Variants in ECPAS observed in about 807,000 individuals in gnomAD.
The protein encoded by ECPAS is proteasome adapter and scaffold protein ECM29.
A neutral mutation model predicts 255.1 loss-of-function variants in ECPAS; 70 were observed. The ratio of observed to expected loss-of-function variants is 0.27; its 90% CI spans 0.23 to 0.33. The LOEUF (loss-of-function observed/expected upper bound fraction) is 0.33, where lower values mean the gene tolerates loss of function less well. ECPAS is among the 10% of genes least tolerant of loss of function. The probability of loss-of-function intolerance (pLI) is 1.00; values close to 1 mark genes in which losing one functional copy is unlikely to be tolerated. For missense variants in ECPAS, 1,817 were observed against 2,206.4 expected (o/e 0.82, Z 3.54); for synonymous variants, 784 against 775.0 (o/e 1.01, Z -0.19).
intron 31 of ECPAS, 106 bp downstream of exon 31, chr9:111,389,450 G>T: frequency 9.8e-7 from 1 of 1,020,264 alleles, no homozygotes. Flanking sequence ...GTTTAAACAA[G>T]TAAACATAAA....
rs927198232 is a variant in ECPAS, at chr9:111,425,590, G to A, written c.1137-94C>T. On this transcript the variant is annotated intron_variant, in intron 11 of 49. Transcript: ENST00000684092. ...ACATAAAATAATGAGAGACATAACC[G>A]AAATAAGTTAAATAATCTATTAAAA... 32 of 1,065,650 alleles carry A rather than the reference G, an allele frequency of 3.0e-5. No individual in the cohort carries two copies. In the Admixed American group the frequency reaches 5.4e-4, roughly 18 times the overall value. 66.0% of individuals were successfully genotyped at this position (1,065,650 alleles called of 1,614,324 possible).
At chr9:111,386,324 A>G (rs920199887) in intron 32 of ECPAS, 53 bp downstream of exon 32, 12 of 1,143,916 alleles carry the variant, frequency 1.0e-5, no homozygotes, top group Admixed American at 2.1e-5. Context: ...GAAATTTTGA[A>G]GGGAAAAAAA....
At chr9:111,390,314 C>T (rs1312093140) in intron 29 of ECPAS, among the ~76,000 whole-genome samples, 2 of 152,194 alleles carry the variant, frequency 1.3e-5, no homozygotes, top group Non-Finnish European at 2.9e-5. Context: ...CTCTACATTG[C>T]TGCTGATAAA....
At chr9:111,482,184 C>G (rs896310958) in intron 1 of ECPAS, among the ~76,000 whole-genome samples, 2 of 152,178 alleles carry the variant, frequency 1.3e-5, no homozygotes, top group African/African-American at 4.8e-5. Flanking sequence ...GTGGAACCGA[C>G]AGAAGAGCAA....
Position 111,428,136 on chromosome 9 carries a change from T to C in ECPAS, c.956A>G (p.Lys319Arg). The C allele has an allele frequency of 6.2e-7, 1 of 1,612,790 alleles. No homozygotes were observed. Among genetic ancestry groups the C allele is most frequent in the Non-Finnish European group, 8.5e-7 (1 of 1,179,232 alleles). Residue 319 changes from lysine (K) to arginine (R), a missense_variant, in exon 10 of 50, where the codon AAA becomes AGA. Lys to Arg is a conservative substitution (Grantham distance 26, BLOSUM62 2). This residue lies in a region of ECPAS where 573 missense variants were observed against 716.2 expected (regional missense o/e 0.80). Transcript: ENST00000684092. ...GACTCTTGTACTGACAGGGTCCCTT[T>C]TCAACTCTGGCTTCAGAACTGCACC... ...KEGAVLKPEL[K>R]RDPVSTRVKL...
intron 2 of ECPAS, among the ~76,000 whole-genome samples, chr9:111,465,642 T>C (rs1446002852): frequency 6.6e-6 from 1 of 151,748 alleles, no homozygotes; most frequent in African/African-American, 2.4e-5. Context: ...TATTTTATGA[T>C]ATAATTATAT....
At chr9:111,368,031 T>G in intron 46 of ECPAS, among the ~76,000 whole-genome samples, 1 of 137,674 alleles carries the variant, frequency 7.3e-6, no homozygotes, top group African/African-American at 3.1e-5. Context: ...CAAGACCCTG[T>G]CTCAAAAAAA....
intron 2 of ECPAS, among the ~76,000 whole-genome samples, chr9:111,462,052 G>A (rs563098439): frequency 6.6e-5 from 10 of 152,256 alleles, no homozygotes; most frequent in East Asian, 1.9e-4. Flanking sequence ...AGATTTGGAC[G>A]GGGACACAGA....
rs2098163525 is a variant in ECPAS at position 111,393,663 on chromosome 9, A to C, written c.2977+17T>G. ...ACAAGTTCAATTAAGTTTAGAAATC[A>C]AATATTAACAACCTACCATCATTTT... On this transcript the variant is annotated intron_variant, in intron 27 of 49. Transcript: ENST00000684092. The C allele has an allele frequency of 6.8e-7, 1 of 1,475,476 alleles. No homozygotes were observed. Among genetic ancestry groups the C allele is most frequent in the Admixed American group, 1.8e-5 (1 of 56,500 alleles). The allele number at this position is 1,475,476 out of a possible 1,614,324, so 91.4% of individuals were successfully genotyped here.
chr9:111,394,760 T>C (rs1304185643), intron 25 of ECPAS, among the ~76,000 whole-genome samples: 1 of 152,192 alleles, frequency 6.6e-6, no homozygotes, highest in Non-Finnish European at 1.5e-5. Context: ...CACTGCAGGA[T>C]GTCTAGCAGC....
At chr9:111,418,231 T>G (rs943572237) in intron 16 of ECPAS, among the ~76,000 whole-genome samples, 1 of 152,204 alleles carries the variant, frequency 6.6e-6, no homozygotes, top group Non-Finnish European at 1.5e-5. Flanking sequence ...ATCTTTGAAT[T>G]TGACTCACAT....
intron 25 of ECPAS, among the ~76,000 whole-genome samples, chr9:111,395,714 C>G (rs186311511): frequency 2.6e-5 from 4 of 152,240 alleles, no homozygotes; most frequent in African/African-American, 9.6e-5. Flanking sequence ...CACAGCAAAC[C>G]CACTCCTCAG....
chr9:111,483,527 G>T, intron 1 of ECPAS: 1 of 978,900 alleles, frequency 1.0e-6, no homozygotes, highest in Non-Finnish European at 1.2e-6. Context: ...GGAGGCGGAG[G>T]CGGCGGCCGC....
intron 27 of ECPAS, among the ~76,000 whole-genome samples, 160 bp from the exon 28 acceptor site, chr9:111,393,042 T>C (rs1431951492): frequency 6.6e-6 from 1 of 152,200 alleles, no homozygotes; most frequent in Non-Finnish European, 1.5e-5. Context: ...AAAATAATAA[T>C]CATTTCAGGG....
chr9:111,480,533 G>A (rs886936628), intron 1 of ECPAS, among the ~76,000 whole-genome samples: 3 of 151,894 alleles, frequency 2.0e-5, no homozygotes, highest in African/African-American at 7.3e-5. Context: ...CCTGACCTCA[G>A]GTGATCCACC....
At chr9:111,472,815 A>C in intron 2 of ECPAS, 82 bp downstream of exon 2, 1 of 287,224 alleles carries the variant, frequency 3.5e-6, no homozygotes, top group Non-Finnish European at 6.6e-6. Context: ...TCTTGGGGGG[A>C]AATTGCTACC....
chr9:111,382,802 TTAAAG>T (rs1238204113), intron 35 of ECPAS, among the ~76,000 whole-genome samples: 2 of 152,240 alleles, frequency 1.3e-5, no homozygotes, highest in East Asian at 1.9e-4. Context: ...TGGTTTTAAC[TTAAAG>T]TAGTCATATA....
intron 1 of ECPAS, among the ~76,000 whole-genome samples, chr9:111,473,672 T>C (rs971451335): frequency 1.3e-5 from 2 of 152,134 alleles, no homozygotes; most frequent in Non-Finnish European, 2.9e-5. Context: ...CTTCCCATTC[T>C]TAAAACAATC....
chr9:111,397,231 A>T (rs565561642), intron 24 of ECPAS, 78 bp from the exon 25 acceptor site: 3 of 1,566,274 alleles, frequency 1.9e-6, no homozygotes, highest in Non-Finnish European at 2.6e-6. Flanking sequence ...AAGCCTGCTT[A>T]AAAGTGTGGT....
Sources: allele counts gnomAD v4.1 joint callset (sites outside exome capture counted in the v4.1 genomes callset), GRCh38; gene constraint gnomAD v4.1.1; regional missense constraint gnomAD v4.1.1; transcripts MANE v1.5; gene names NCBI Gene and HGNC (gene_info 2026-07-23, HGNC 2026-07-21).